Variants in NKAIN3 observed in about 807,000 individuals in gnomAD.
NKAIN3 encodes the protein sodium/potassium-transporting ATPase subunit beta-1-interacting protein 3.
In NKAIN3, 25 loss-of-function variants were observed where a neutral mutation model predicts 30.2. The ratio of observed to expected loss-of-function variants is 0.83; its 90% CI spans 0.60 to 1.16. The LOEUF is 1.16. Among genes scored for constraint, NKAIN3 ranks in the 50% most tolerant of loss-of-function variants. The pLI, the probability that NKAIN3 is intolerant of heterozygous loss-of-function variation, is 0.00. For missense variants in NKAIN3, 225 were observed against 254.1 expected (o/e 0.89, Z 0.78); for synonymous variants, 91 against 89.6 (o/e 1.02, Z -0.09).
chr8:62,470,731 T>C (rs1806306143), intron 1 of NKAIN3, among the ~76,000 whole-genome samples: 1 of 152,088 alleles, frequency 6.6e-6, no homozygotes, highest in African/African-American at 2.4e-5. Flanking sequence ...ATATTTTATA[T>C]TATCAAGGGA....
chr8:62,895,404 A>G (rs1251514849), intron 4 of NKAIN3, among the ~76,000 whole-genome samples: 1 of 152,218 alleles, frequency 6.6e-6, no homozygotes, highest in East Asian at 1.9e-4. Context: ...CATCACTGTT[A>G]CCTAAAAGCT....
chr8:62,413,662 T>A (rs888498618), intron 1 of NKAIN3, among the ~76,000 whole-genome samples: 1 of 152,138 alleles, frequency 6.6e-6, no homozygotes, highest in Non-Finnish European at 1.5e-5. Flanking sequence ...AAAATTCAAA[T>A]CACGTTTTGA....
rs752008368 is a variant in NKAIN3, at chr8:62,428,529, A to G, written c.55-151010A>G. Among the ~76,000 whole-genome samples, 31 of 151,808 alleles carry G rather than the reference A, an allele frequency of 2.0e-4. 1 individual carries two copies. Among genetic ancestry groups the G allele is most frequent in the Non-Finnish European group, 1.5e-5 (1 of 67,868 alleles). On this transcript the variant is annotated intron_variant, in intron 1 of 6. Transcript: ENST00000623646. ...CATTTATCATCTTTTTGACTTTTTG[A>G]TAATAGTCATTCTAACTCGGGTGAG...
At chr8:62,617,620 C>A (rs945224044) in intron 3 of NKAIN3, among the ~76,000 whole-genome samples, 44 of 152,098 alleles carry the variant, frequency 2.9e-4, no homozygotes, top group East Asian at 7.7e-4. Context: ...TCTCCTGTTG[C>A]ATAGAAAGAT....
intron 4 of NKAIN3, among the ~76,000 whole-genome samples, chr8:62,896,521 C>G (rs920753175): frequency 2.6e-5 from 4 of 152,098 alleles, no homozygotes; most frequent in Non-Finnish European, 4.4e-5. Context: ...TAAGTTTATA[C>G]CAAGCCTTGA....
At chr8:62,957,894 G>C (rs1252447878) in intron 6 of NKAIN3, among the ~76,000 whole-genome samples, 1 of 151,498 alleles carries the variant, frequency 6.6e-6, no homozygotes, top group Non-Finnish European at 1.5e-5. Context: ...TTCATCAATT[G>C]TAACACATGT....
At chr8:62,326,710 G>A (rs1472952596) in intron 1 of NKAIN3, among the ~76,000 whole-genome samples, 1 of 151,874 alleles carries the variant, frequency 6.6e-6, no homozygotes, top group African/African-American at 2.4e-5. Flanking sequence ...CTGTCAGTGG[G>A]CATTTCAGTT....
At chr8:62,729,041 A>AAAAAATAAAAT (rs1563534959) in intron 3 of NKAIN3, among the ~76,000 whole-genome samples, 1 of 73,252 alleles carries the variant, frequency 1.4e-5, no homozygotes, top group African/African-American at 4.3e-5. Flanking sequence ...AAAAAAAAAC[A>AAAAAATAAAAT]AAAAAAAAAA....
intron 1 of NKAIN3, among the ~76,000 whole-genome samples, chr8:62,365,774 A>AT (rs1168859887): frequency 9.6e-5 from 1 of 10,450 alleles, no homozygotes; most frequent in African/African-American, 1.7e-4. Flanking sequence ...CTCACTATAA[A>AT]ATTTTTTTTT....
At chr8:62,806,890 C>G (rs1818306929) in intron 4 of NKAIN3, among the ~76,000 whole-genome samples, 1 of 151,776 alleles carries the variant, frequency 6.6e-6, no homozygotes, top group Non-Finnish European at 1.5e-5. Flanking sequence ...TTCCACTTGT[C>G]TACATGAGAC....
intron 1 of NKAIN3, chr8:62,474,294 A>G (rs1282270184): frequency 9.2e-5 from 14 of 152,168 alleles, no homozygotes; most frequent in Non-Finnish European, 2.1e-4. Flanking sequence ...AGAGGGACAA[A>G]CTCTTGGAGG....
intron 1 of NKAIN3, among the ~76,000 whole-genome samples, chr8:62,316,001 T>C (rs1814611926): frequency 6.6e-6 from 1 of 152,180 alleles, no homozygotes; most frequent in African/African-American, 2.4e-5. Flanking sequence ...CTTGTTGCTG[T>C]TCTCATGAGA....
chr8:62,808,559 G>A (rs1818379949), intron 4 of NKAIN3, among the ~76,000 whole-genome samples: 1 of 152,098 alleles, frequency 6.6e-6, no homozygotes, highest in Non-Finnish European at 1.5e-5. Flanking sequence ...ACCAAAGAGA[G>A]AAATTTTAAA....
In NKAIN3 at chr8:62,707,056, T is replaced by TACACACAC. The variant is rs35879987; in HGVS notation, c.274-39853_274-39846dup. Among the ~76,000 whole-genome samples the TACACACAC allele has an allele frequency of 1.5e-3, 218 of 143,406 alleles. 1 individual carries two copies. Among genetic ancestry groups the TACACACAC allele is most frequent in the African/African-American group, 5.7e-3 (207 of 36,014 alleles). 94.1% of individuals were successfully genotyped at this position (143,406 alleles called of 152,430 possible). ...TGCATAGTATTCCATCATACATACA[T>TACACACAC]ACACACACACACACACACACACACA... On this transcript the variant is annotated intron_variant, in intron 3 of 6. Coordinates refer to ENST00000623646, the MANE Select transcript of NKAIN3 (RefSeq NM_001304533.3).
intron 3 of NKAIN3, among the ~76,000 whole-genome samples, chr8:62,650,193 T>C (rs1189718569): frequency 6.6e-6 from 1 of 152,216 alleles, no homozygotes; most frequent in Admixed American, 6.5e-5. Flanking sequence ...TATATGAACT[T>C]GTAATAAATC....
At position 62,967,076 on chromosome 8, in the gene NKAIN3, CT is replaced by C. The variant is rs569188612; in HGVS notation, c.*1677del. Among the ~76,000 whole-genome samples, 122 of 152,192 alleles carry C rather than the reference CT, an allele frequency of 8.0e-4. No individual in the cohort carries two copies. Among genetic ancestry groups the C allele is most frequent in the African/African-American group, 2.8e-3 (116 of 41,520 alleles). ...CATTGGTACCCACAAACTCCCATTA[CT>C]TTTTTTTCTGCTTAATAAATCCAAA... On this transcript the variant is annotated 3_prime_UTR_variant, in exon 7 of 7. Coordinates refer to ENST00000623646, the MANE Select transcript of NKAIN3 (RefSeq NM_001304533.3).
chr8:62,933,365 A>G (rs988162675), intron 5 of NKAIN3, among the ~76,000 whole-genome samples: 5 of 152,236 alleles, frequency 3.3e-5, no homozygotes, highest in South Asian at 2.1e-4. Flanking sequence ...CAATGCCAGC[A>G]AGCATTTGTT....
chr8:62,509,162 G>A (rs983937421), intron 1 of NKAIN3, among the ~76,000 whole-genome samples: 4 of 152,160 alleles, frequency 2.6e-5, no homozygotes, highest in African/African-American at 9.7e-5. Context: ...CTAAGGCATT[G>A]ATCATAGAGA....
intron 1 of NKAIN3, among the ~76,000 whole-genome samples, chr8:62,503,068 C>G (rs950243394): frequency 2.0e-5 from 3 of 152,164 alleles, no homozygotes; most frequent in African/African-American, 7.2e-5. Flanking sequence ...GGAGCTCAGC[C>G]TCCTGTCACA....
Sources: gnomAD v4.1 joint callset for allele counts (sites outside exome capture counted in the v4.1 genomes callset) on GRCh38, gnomAD v4.1.1 for gene constraint, MANE v1.5 for transcripts, NCBI Gene and HGNC (gene_info 2026-07-23, HGNC 2026-07-21) for gene names.